FZD3: variants seen among roughly 807,000 people sequenced by gnomAD.
FZD3 encodes frizzled-3.
Under a neutral mutation model 60.7 loss-of-function variants are expected in FZD3, and 30 were observed. That is an observed-to-expected ratio of 0.49 (90% CI 0.37 to 0.67). The LOEUF (loss-of-function observed/expected upper bound fraction) is 0.67. Ranked by LOEUF, FZD3 falls within the 30% of genes least tolerant of loss-of-function variation. The probability of loss-of-function intolerance (pLI) is 0.00; values close to 1 mark genes in which losing one functional copy is unlikely to be tolerated. For missense variants in FZD3, 605 were observed against 838.7 expected, an observed-to-expected ratio of 0.72 and a Z score of 3.44; for synonymous variants, 246 against 275.2, an observed-to-expected ratio of 0.89 and a Z score of 1.05.
chr8:28,506,042 T>C (rs1039935800), intron 3 of FZD3, among the ~76,000 whole-genome samples: 1 of 152,224 alleles, frequency 6.6e-6, no homozygotes, highest in African/African-American at 2.4e-5. Context: ...AAAAAAATGC[T>C]CACTTCTGAG....
intron 5 of FZD3, among the ~76,000 whole-genome samples, chr8:28,541,953 A>C (rs164666): frequency 0.94 from 143,760 of 152,252 alleles, 67,985 homozygotes; most frequent in East Asian, 1. Context: ...TTCCTATTCA[A>C]CTTCATGCTT....
At chr8:28,551,775 G>T in intron 6 of FZD3, 24 bp downstream of exon 6, 1 of 1,583,192 alleles carries the variant, frequency 6.3e-7, no homozygotes, top group South Asian at 1.2e-5. Context: ...AATGATCACA[G>T]TGTTCACAAA....
chr8:28,560,418 A>G (rs1487609473), intron 7 of FZD3, among the ~76,000 whole-genome samples: 2 of 152,192 alleles, frequency 1.3e-5, no homozygotes, highest in Non-Finnish European at 2.9e-5. Flanking sequence ...TTATTTTTCT[A>G]TGTAGTTGAC....
Position 28,494,306 on chromosome 8 carries a change from G to GGC in FZD3, c.-428_-427insGC, listed in dbSNP as rs1554530329. 1.3e-5 allele frequency: 2 copies of GGC among 151,352 alleles called. No individual in the cohort carries two copies. The highest frequency in any genetic ancestry group is 4.0e-4 in the East Asian group (2 of 5,046). 9.4% of individuals were successfully genotyped at this position (151,352 alleles called of 1,614,324 possible). A position where few individuals can be genotyped will look rare whatever the true frequency, so the allele number is the denominator to read the frequency against. On this transcript the variant is annotated 5_prime_UTR_variant, in exon 1 of 8. Coordinates refer to ENST00000240093, the MANE Select transcript of FZD3 (RefSeq NM_017412.4). ...GCGGCCGCCCGCGGCAGGCGGTGCA[G>GGC]CCCCCCCACCCCTTGGAGCCAGGCG...
intron 5 of FZD3, among the ~76,000 whole-genome samples, chr8:28,530,822 C>T (rs1383324060): frequency 2.0e-5 from 3 of 152,118 alleles, no homozygotes; most frequent in Non-Finnish European, 4.4e-5. Flanking sequence ...TTACCCAGTA[C>T]ATAAACTATA....
chr8:28,539,290 T>C (rs1403362350), intron 5 of FZD3, among the ~76,000 whole-genome samples: 3 of 152,192 alleles, frequency 2.0e-5, no homozygotes. Flanking sequence ...ATGTGAGGAA[T>C]CTAGGTTGCA....
At position 28,573,321 on chromosome 8, in the gene FZD3, T is replaced by C. The variant is rs1301224332; in HGVS notation, c.*10310T>C. On this transcript the variant is annotated 3_prime_UTR_variant, in exon 8 of 8. Coordinates refer to ENST00000240093, the MANE Select transcript of FZD3 (RefSeq NM_017412.4). ...TGCATTAAAAGCAAACACATTGCTGTTAGCTCAAATTAATGTCAGTGAGTA... is the reference window on the plus strand; with the variant it reads ...TGCATTAAAAGCAAACACATTGCTGCTAGCTCAAATTAATGTCAGTGAGTA... The C allele has an allele frequency of 6.6e-6, 1 of 152,158 alleles. No individual in the cohort carries two copies. The highest frequency in any genetic ancestry group is 2.4e-5 in the African/African-American group (1 of 41,436). 9.4% of individuals were successfully genotyped at this position (152,158 alleles called of 1,614,324 possible). A position where few individuals can be genotyped will look rare whatever the true frequency, so the allele number is the denominator to read the frequency against.
chr8:28,572,658 C>G lies in FZD3; in HGVS notation c.*9647C>G, dbSNP rs1451598069. On this transcript the variant is annotated 3_prime_UTR_variant, in exon 8 of 8. Coordinates refer to ENST00000240093, the MANE Select transcript of FZD3 (RefSeq NM_017412.4). ...ATCATTTAGAGGCAAAATAATTTCC[C>G]CCTCACATCTAATGTGGACTCAAAT... is the stretch of plus-strand genomic sequence containing the variant. 1 of 151,978 alleles carries G rather than the reference C, an allele frequency of 6.6e-6. No homozygotes were observed. The highest frequency in any genetic ancestry group is 1.5e-5 in the Non-Finnish European group (1 of 67,972). 9.4% of individuals were successfully genotyped at this position (151,978 alleles called of 1,614,324 possible). A position where few individuals can be genotyped will look rare whatever the true frequency, so the allele number is the denominator to read the frequency against.
At chr8:28,546,840 T>C (rs969593001) in intron 5 of FZD3, among the ~76,000 whole-genome samples, 7 of 151,978 alleles carry the variant, frequency 4.6e-5, no homozygotes, top group Non-Finnish European at 7.4e-5. Context: ...CTGGGCATGG[T>C]GGCAGGCACC....
chr8:28,555,815 T>C lies in FZD3; in HGVS notation c.1631T>C (p.Ile544Thr). 6.2e-7 allele frequency: 1 copy of C among 1,613,782 alleles called. No homozygotes were observed. The highest frequency in any genetic ancestry group is 8.5e-7 in the Non-Finnish European group (1 of 1,179,718). ...QSLLRDPNTP[I>T]IRKSRGTSTQ... is the part of the protein sequence containing the mutation. ...CTCCTGAGGGATCCAAATACTCCTA[T>C]CATAAGAAAGTCAAGGGGAACTTCC... The change falls in exon 7 of 8, where the codon ATC (isoleucine) becomes ACC (threonine). Residue 544 changes from isoleucine (I) to threonine (T), a missense_variant. By Grantham distance (89) the Ile-to-Thr change is moderately conservative. Coordinates refer to ENST00000240093, the MANE Select transcript of FZD3 (RefSeq NM_017412.4).
intron 5 of FZD3, among the ~76,000 whole-genome samples, chr8:28,536,061 G>A (rs1469863485): frequency 2.6e-5 from 4 of 152,170 alleles, no homozygotes; most frequent in Admixed American, 2.6e-4. Context: ...AAGATTAAAT[G>A]AGAAATATAA....
chr8:28,525,019 C>T (rs988446760), intron 4 of FZD3, among the ~76,000 whole-genome samples: 1 of 152,168 alleles, frequency 6.6e-6, no homozygotes, highest in Admixed American at 6.6e-5. Context: ...ATTCTCACTG[C>T]CTTATTTGAC....
At chr8:28,545,860 C>T (rs1181942912) in intron 5 of FZD3, among the ~76,000 whole-genome samples, 7 of 152,148 alleles carry the variant, frequency 4.6e-5, no homozygotes, top group African/African-American at 1.2e-4. Context: ...TACAGCCATG[C>T]ACCACATAAC....
chr8:28,527,462 T>A lies in FZD3; in HGVS notation c.702T>A (p.Pro234=), dbSNP rs28639533. Residue 234 remains proline (P), a synonymous_variant, in exon 5 of 8, where the codon CCT becomes CCA. Coordinates refer to ENST00000240093, the MANE Select transcript of FZD3 (RefSeq NM_017412.4). This position sits in a 1 kb window ranked among gnomAD's most constrained non-coding sequence, Gnocchi z 5.0. ...FLIDVTRFRY[P]ERPIIFYAVC... ...TTGATGTCACAAGATTCCGTTATCC[T>A]GAAAGGCCTATTATATTTTATGCAG... The A allele has an allele frequency of 1.2e-6, 2 of 1,613,138 alleles. No homozygotes were observed. The highest frequency in any genetic ancestry group is 1.7e-6 in the Non-Finnish European group (2 of 1,179,226).
intron 3 of FZD3, among the ~76,000 whole-genome samples, chr8:28,517,026 T>C (rs1405368550): frequency 6.6e-6 from 1 of 152,202 alleles, no homozygotes; most frequent in East Asian, 1.9e-4. Context: ...AGAGTATTCA[T>C]TTATATTTTC....
intron 5 of FZD3, chr8:28,530,356 C>T (rs1294113071): frequency 6.6e-6 from 1 of 151,766 alleles, no homozygotes; most frequent in Non-Finnish European, 1.5e-5. Flanking sequence ...ATGAATCTAC[C>T]TCCTAGGGTT....
intron 3 of FZD3, among the ~76,000 whole-genome samples, chr8:28,505,702 A>G (rs1031940893): frequency 2.0e-5 from 3 of 152,208 alleles, no homozygotes; most frequent in Non-Finnish European, 4.4e-5. Flanking sequence ...CTGGAACACA[A>G]TGGTATGTGG....
At chr8:28,534,722 ATTTT>A (rs1804966094) in intron 5 of FZD3, among the ~76,000 whole-genome samples, 1 of 152,174 alleles carries the variant, frequency 6.6e-6, no homozygotes, top group African/African-American at 2.4e-5. Context: ...CCCTACTTTG[ATTTT>A]AATATTCAGA....
intron 2 of FZD3, among the ~76,000 whole-genome samples, chr8:28,502,369 GAATC>G (rs1320107417): frequency 3.9e-5 from 6 of 152,070 alleles, no homozygotes; most frequent in African/African-American, 1.4e-4. Flanking sequence ...TTTTCAAAAT[GAATC>G]AATTATATAT....
Sources: allele counts gnomAD v4.1 joint callset (sites outside exome capture counted in the v4.1 genomes callset), GRCh38; gene constraint gnomAD v4.1.1; non-coding constraint Gnocchi (gnomAD v3.1); transcripts MANE v1.5; gene names NCBI Gene and HGNC (gene_info 2026-07-23, HGNC 2026-07-21).